The following MICAL3 variants were observed in gnomAD, a reference collection of about 807,000 sequenced individuals.
The protein encoded by MICAL3 is microtubule associated monooxygenase, calponin and LIM domain containing 3.
Under a neutral mutation model 207.4 loss-of-function variants are expected in MICAL3, and 62 were observed. The observed-to-expected ratio is 0.30, with a 90% CI of 0.24 to 0.37. The LOEUF is 0.37. Ranked by LOEUF, MICAL3 falls within the 10% of genes least tolerant of loss-of-function variation. The pLI is 1.00. For missense variants in MICAL3, 2,368 were observed against 2,635.6 expected, an observed-to-expected ratio of 0.90 and a Z score of 2.22; for synonymous variants, 1,077 against 1,069.3, an observed-to-expected ratio of 1.01 and a Z score of -0.14.
intron 1 of MICAL3, among the ~76,000 whole-genome samples, chr22:17,918,540 A>G (rs1932684552): frequency 6.6e-6 from 1 of 152,018 alleles, no homozygotes; most frequent in Non-Finnish European, 1.5e-5. Flanking sequence ...GCCTCTAGAA[A>G]AGGCCACTGT....
At chr22:17,857,625 AG>A (rs1163622993) in intron 19 of MICAL3, among the ~76,000 whole-genome samples, 3 of 152,260 alleles carry the variant, frequency 2.0e-5, no homozygotes, top group Non-Finnish European at 4.4e-5. Flanking sequence ...GGGTAAGTAC[AG>A]AAAGAAATAG....
At chr22:17,989,976 A>G (rs192111393) in intron 1 of MICAL3, among the ~76,000 whole-genome samples, 1 of 152,306 alleles carries the variant, frequency 6.6e-6, no homozygotes, top group Admixed American at 6.5e-5. Flanking sequence ...TGTCATGAGC[A>G]GAGACAAGGT....
rs1931250162 is a variant in MICAL3, at chr22:17,900,710, G to A, written c.847+132C>T. 1.4e-6 allele frequency: 1 copy of A among 693,876 alleles called. No individual in the cohort carries two copies. The highest frequency in any genetic ancestry group is 2.7e-5 in the East Asian group (1 of 37,394). The allele number at this position is 693,876 out of a possible 1,614,324, so 43.0% of individuals were successfully genotyped here. On this transcript the variant is annotated intron_variant, in intron 6 of 31. Transcript: ENST00000441493. This position sits in a 1 kb window ranked among gnomAD's most constrained non-coding sequence, Gnocchi z 4.0. ...AATGCGCTAGGAAGAAGGAACAGGA[G>A]TGAAAAGAGCAGGAGGGGCAGACAG...
intron 1 of MICAL3, among the ~76,000 whole-genome samples, chr22:17,919,697 C>G (rs73388433): frequency 0.054 from 8,158 of 152,244 alleles, 768 homozygotes; most frequent in African/African-American, 0.19. Flanking sequence ...CCCTGGAGAC[C>G]TGCCCTTTTT....
chr22:17,942,389 C>T (rs1933849251), intron 1 of MICAL3, among the ~76,000 whole-genome samples: 1 of 152,170 alleles, frequency 6.6e-6, no homozygotes, highest in African/African-American at 2.4e-5. Context: ...TTATCCAGTC[C>T]TCTGCCTGGT....
At position 17,790,526 on chromosome 22, in the gene MICAL3, C is replaced by G; in HGVS notation, c.*206G>C. 1.7e-6 allele frequency: 1 copy of G among 586,848 alleles called. No homozygotes were observed. Among genetic ancestry groups the G allele is most frequent in the Non-Finnish European group, 3.0e-6 (1 of 331,166 alleles). 36.4% of individuals were successfully genotyped at this position (586,848 alleles called of 1,614,324 possible). A position where few individuals can be genotyped will look rare whatever the true frequency, so the allele number is the denominator to read the frequency against. Reference sequence around the variant, plus strand: ...TGGGAGGTCCAGGTGGGCCTCCTCCCAGGAGGTGGAGCCGTCTCAGATAAC... The same window carrying G: ...TGGGAGGTCCAGGTGGGCCTCCTCCGAGGAGGTGGAGCCGTCTCAGATAAC... On this transcript the variant is annotated 3_prime_UTR_variant, in exon 32 of 32. Coordinates refer to ENST00000441493, the MANE Select transcript of MICAL3 (RefSeq NM_015241.3).
intron 1 of MICAL3, among the ~76,000 whole-genome samples, chr22:17,940,881 A>G (rs1419480325): frequency 6.6e-6 from 1 of 152,206 alleles, no homozygotes; most frequent in Non-Finnish European, 1.5e-5. Context: ...GATTTACACA[A>G]AACAAGCCAA....
chr22:17,982,586 G>A (rs371877654), intron 1 of MICAL3, among the ~76,000 whole-genome samples: 4 of 151,900 alleles, frequency 2.6e-5, no homozygotes, highest in African/African-American at 4.8e-5. Flanking sequence ...CAGGAGAATC[G>A]CTTGAACCAA....
chr22:17,910,908 C>T (rs1364746018), intron 1 of MICAL3, among the ~76,000 whole-genome samples: 2 of 152,204 alleles, frequency 1.3e-5, no homozygotes, highest in African/African-American at 4.8e-5. Context: ...AGTTCATAAT[C>T]ACAGGAACCT....
chr22:17,831,512 TATTA>T (rs1368129839), intron 21 of MICAL3, among the ~76,000 whole-genome samples: 1 of 152,180 alleles, frequency 6.6e-6, no homozygotes, highest in East Asian at 1.9e-4. Context: ...TCCCTTTCCT[TATTA>T]ATTTTTTCAA....
At chr22:17,916,179 G>A (rs1932505017) in intron 1 of MICAL3, among the ~76,000 whole-genome samples, 1 of 151,794 alleles carries the variant, frequency 6.6e-6, no homozygotes, top group Non-Finnish European at 1.5e-5. Context: ...TCTTCCGCAA[G>A]TTTCTATCGG....
intron 19 of MICAL3, among the ~76,000 whole-genome samples, chr22:17,856,953 C>G (rs989762659): frequency 3.3e-5 from 5 of 152,168 alleles, no homozygotes; most frequent in African/African-American, 7.2e-5. Flanking sequence ...ACCTACTGAC[C>G]TAGTCTCTCG....
intron 16 of MICAL3, among the ~76,000 whole-genome samples, chr22:17,879,157 A>G (rs1411442630): frequency 1.3e-5 from 2 of 152,224 alleles, no homozygotes; most frequent in East Asian, 3.8e-4. Flanking sequence ...ACTGCTTTAC[A>G]GTGAATGCTA....
chr22:17,843,190 T>C (rs960208082), intron 19 of MICAL3, among the ~76,000 whole-genome samples: 1 of 151,952 alleles, frequency 6.6e-6, no homozygotes, highest in Non-Finnish European at 1.5e-5. Flanking sequence ...AGAAGCACTT[T>C]TCCCATTTTT....
At position 17,982,720 on chromosome 22, in the gene MICAL3, AT is replaced by A. The variant is rs60926857; in HGVS notation, c.-75+41560del. On this transcript the variant is annotated intron_variant, in intron 1 of 31. Coordinates refer to ENST00000441493, the MANE Select transcript of MICAL3 (RefSeq NM_015241.3). ...CATAACATAACATAACATAACAAAC[AT>A]AACATAACATAAAAATAAAATAAAA... Among the ~76,000 whole-genome samples the A allele has an allele frequency of 4.7e-3, 629 of 133,830 alleles. 6 individuals are homozygous for A. Among genetic ancestry groups the A allele is most frequent in the African/African-American group, 0.018 (586 of 33,030 alleles). 87.8% of individuals were successfully genotyped at this position (133,830 alleles called of 152,430 possible).
At chr22:17,813,393 A>T (rs1444780836) in intron 27 of MICAL3, 2 of 152,196 alleles carry the variant, frequency 1.3e-5, no homozygotes, top group Non-Finnish European at 2.9e-5. Context: ...TGCTCCATCC[A>T]TCCCATCTGT....
intron 7 of MICAL3, 72 bp downstream of exon 7, chr22:17,899,376 C>T (rs773705210): frequency 9.0e-6 from 9 of 999,910 alleles, no homozygotes; most frequent in Non-Finnish European, 1.2e-5. Context: ...AAAAACCCAT[C>T]AGACAATTCT....
chr22:17,876,282 A>G (rs1928332216), intron 16 of MICAL3: 1 of 152,236 alleles, frequency 6.6e-6, no homozygotes, highest in Non-Finnish European at 1.5e-5. Flanking sequence ...TTGGCAACCA[A>G]TAACTGCTTC....
intron 1 of MICAL3, among the ~76,000 whole-genome samples, chr22:17,968,499 G>A (rs1257127796): frequency 6.6e-6 from 1 of 152,108 alleles, no homozygotes; most frequent in Admixed American, 6.5e-5. Flanking sequence ...GCTTCCTCAG[G>A]CTACATTTCC....
Sources: gnomAD v4.1 joint callset for allele counts (sites outside exome capture counted in the v4.1 genomes callset) on GRCh38, gnomAD v4.1.1 for gene constraint, Gnocchi (gnomAD v3.1) non-coding constraint, MANE v1.5 for transcripts, NCBI Gene and HGNC (gene_info 2026-07-23, HGNC 2026-07-21) for gene names.